The following GRB10 variants were observed in gnomAD, a reference collection of about 807,000 sequenced individuals.
The protein encoded by GRB10 is growth factor receptor bound protein 10, also known as growth factor receptor-bound protein 10.
GRB10 carries 20 observed loss-of-function variants against 80.9 expected under a neutral mutation model. That is an observed-to-expected ratio of 0.25 (90% CI 0.17 to 0.36). The LOEUF (loss-of-function observed/expected upper bound fraction) is 0.36. GRB10 is among the 10% of genes least tolerant of loss of function. The pLI is 1.00. For missense variants in GRB10, 548 were observed against 747.7 expected, an observed-to-expected ratio of 0.73 and a Z score of 3.12; for synonymous variants, 291 against 291.5, an observed-to-expected ratio of 1.00 and a Z score of 0.02.
At chr7:50,625,507 C>T (rs938226690) in intron 8 of GRB10, among the ~76,000 whole-genome samples, 1 of 152,162 alleles carries the variant, frequency 6.6e-6, no homozygotes, top group Non-Finnish European at 1.5e-5. Flanking sequence ...ACAGCCTTAT[C>T]AGACCACTGT....
intron 5 of GRB10, among the ~76,000 whole-genome samples, chr7:50,675,998 T>C (rs1016523088): frequency 3.3e-5 from 5 of 152,220 alleles, no homozygotes; most frequent in South Asian, 2.1e-4. Context: ...TGTAACCCAA[T>C]ACATTCTAAT....
chr7:50,789,620 A>G (rs1168526367), intron 1 of GRB10, among the ~76,000 whole-genome samples: 2 of 152,326 alleles, frequency 1.3e-5, no homozygotes, highest in East Asian at 1.9e-4. Context: ...TTAACAACAA[A>G]AAGTCCACTC....
intron 4 of GRB10, among the ~76,000 whole-genome samples, chr7:50,717,399 C>T (rs529128516): frequency 3.3e-5 from 5 of 152,322 alleles, no homozygotes; most frequent in African/African-American, 1.2e-4. Flanking sequence ...CCATGTGCTC[C>T]TAATGCTGCC....
At chr7:50,603,921 G>A in intron 17 of GRB10, 77 bp downstream of exon 17, 1 of 1,169,334 alleles carries the variant, frequency 8.6e-7, no homozygotes, top group Non-Finnish European at 1.3e-6. Flanking sequence ...AAGGATGTCT[G>A]AGGAATTAAA....
chr7:50,616,181 G>T (rs374440919), intron 11 of GRB10, 29 bp downstream of exon 11: 22 of 1,614,086 alleles, frequency 1.4e-5, no homozygotes, highest in Non-Finnish European at 1.9e-5. Context: ...GCAGAATTAG[G>T]GCTGGTGGTG....
intron 2 of GRB10, among the ~76,000 whole-genome samples, chr7:50,773,348 G>T (rs13232029): frequency 6.9e-6 from 1 of 144,450 alleles, no homozygotes; most frequent in Admixed American, 6.9e-5. Context: ...GAAGGGGAAG[G>T]GGAAGAAAGG....
At chr7:50,636,513 C>T (rs73113068) in intron 7 of GRB10, among the ~76,000 whole-genome samples, 13,333 of 152,104 alleles carry the variant, frequency 0.088, 890 homozygotes, top group Non-Finnish European at 0.11. Context: ...TCCAACAGTA[C>T]ATTAAAAAGG....
intron 3 of GRB10, among the ~76,000 whole-genome samples, chr7:50,755,111 G>A (rs2074856524): frequency 1.3e-5 from 2 of 152,216 alleles, no homozygotes; most frequent in African/African-American, 4.8e-5. Flanking sequence ...TAGCCAGCCA[G>A]TCTGCGGGAT....
intron 7 of GRB10, among the ~76,000 whole-genome samples, chr7:50,627,846 T>C (rs1463675065): frequency 6.6e-6 from 1 of 152,190 alleles, no homozygotes; most frequent in Non-Finnish European, 1.5e-5. Context: ...TGTTTCCGTC[T>C]CTCCCCACTG....
intron 3 of GRB10, among the ~76,000 whole-genome samples, chr7:50,753,935 G>C (rs187532235): frequency 3.3e-5 from 5 of 152,190 alleles, no homozygotes; most frequent in African/African-American, 1.2e-4. Flanking sequence ...GCCTTTTTCA[G>C]ATGTGTCCCT....
chr7:50,764,750 G>A (rs750837422), intron 2 of GRB10, among the ~76,000 whole-genome samples: 5 of 152,198 alleles, frequency 3.3e-5, no homozygotes, highest in Non-Finnish European at 5.9e-5. Flanking sequence ...AATTCCCACA[G>A]AGTGCTTCAC....
At chr7:50,628,806 AC>A (rs1320974323) in intron 7 of GRB10, among the ~76,000 whole-genome samples, 1 of 152,174 alleles carries the variant, frequency 6.6e-6, no homozygotes, top group African/African-American at 2.4e-5. Flanking sequence ...CAAGAAATCC[AC>A]CATCTCTTTT....
chr7:50,749,134 G>GTTTTTTTGTTTTT (rs2073661681), intron 3 of GRB10, among the ~76,000 whole-genome samples: 2 of 137,904 alleles, frequency 1.5e-5, no homozygotes, highest in South Asian at 2.3e-4. Context: ...TTTTTTGTTT[G>GTTTTTTTGTTTTT]TTTTTTTTTT....
intron 3 of GRB10, among the ~76,000 whole-genome samples, chr7:50,735,528 A>G (rs2070655384): frequency 6.6e-6 from 1 of 152,176 alleles, no homozygotes; most frequent in Non-Finnish European, 1.5e-5. Flanking sequence ...TGTAGGTTGA[A>G]CATGAAAATG....
chr7:50,788,663 C>T (rs2078793058), intron 1 of GRB10, among the ~76,000 whole-genome samples: 1 of 152,180 alleles, frequency 6.6e-6, no homozygotes, highest in Non-Finnish European at 1.5e-5. Flanking sequence ...CTGTTCATGC[C>T]CAGTTCCATT....
chr7:50,652,857 G>C (rs1021719593), intron 7 of GRB10, among the ~76,000 whole-genome samples: 2 of 152,138 alleles, frequency 1.3e-5, no homozygotes, highest in African/African-American at 4.8e-5. Flanking sequence ...AGAATTATCA[G>C]CATGGAGATA....
Position 50,592,331 on chromosome 7 carries a change from A to G in GRB10, c.*621T>C, listed in dbSNP as rs2153557982. On this transcript the variant is annotated 3_prime_UTR_variant, in exon 19 of 19. Transcript: ENST00000401949. ...AGTGACACCTTTTATTTTAACAAGA[A>G]AGCTTTTCAAGTATACTGGGAAGGG... 6.4e-6 allele frequency: 1 copy of G among 155,872 alleles called. No individual in the cohort carries two copies. The highest frequency in any genetic ancestry group is 1.4e-5 in the Non-Finnish European group (1 of 70,326). 9.7% of individuals were successfully genotyped at this position (155,872 alleles called of 1,614,324 possible).
chr7:50,741,362 C>T (rs2071698280), intron 3 of GRB10, among the ~76,000 whole-genome samples: 1 of 151,622 alleles, frequency 6.6e-6, no homozygotes, highest in African/African-American at 2.4e-5. Context: ...TACAAAAATG[C>T]AAAGATCTCT....
At chr7:50,683,018 C>T (rs1190936999) in intron 5 of GRB10, among the ~76,000 whole-genome samples, 1 of 152,228 alleles carries the variant, frequency 6.6e-6, no homozygotes, top group Admixed American at 6.5e-5. Context: ...AACAGATAAT[C>T]GTACACCCTT....
Sources: allele counts gnomAD v4.1 joint callset (sites outside exome capture counted in the v4.1 genomes callset), GRCh38; gene constraint gnomAD v4.1.1; transcripts MANE v1.5; gene names NCBI Gene and HGNC (gene_info 2026-07-23, HGNC 2026-07-21).